Variants in DNM1L observed in about 807,000 individuals in gnomAD.
DNM1L encodes dynamin 1L.
A neutral mutation model predicts 92.8 loss-of-function variants in DNM1L; 33 were observed. That is an observed-to-expected ratio of 0.36 (90% CI 0.27 to 0.48). The LOEUF (loss-of-function observed/expected upper bound fraction) is 0.48, where lower values mean the gene tolerates loss of function less well. Among genes scored for constraint, DNM1L ranks in the 20% least tolerant of loss-of-function variants. DNM1L has a pLI of 0.99. For synonymous variants in DNM1L, 284 were observed against 305.0 expected (o/e 0.93, Z 0.72); for missense variants, 485 against 888.8 (o/e 0.55, Z 5.78).
intron 6 of DNM1L, among the ~76,000 whole-genome samples, chr12:32,717,200 T>G (rs1418860843): frequency 8.6e-6 from 1 of 116,110 alleles, no homozygotes; most frequent in African/African-American, 3.3e-5. Flanking sequence ...TATATATATT[T>G]ATATATACTA....
In DNM1L at chr12:32,686,045, C is replaced by CTTTTTT. The variant is rs972264615; in HGVS notation, c.102+6597_102+6602dup. Among the ~76,000 whole-genome samples the CTTTTTT allele has an allele frequency of 1.7e-3, 144 of 82,674 alleles. 9 individuals carry two copies. Among genetic ancestry groups the CTTTTTT allele is most frequent in the African/African-American group, 5.6e-3 (93 of 16,636 alleles). The allele number at this position is 82,674 out of a possible 152,430, so 54.2% of individuals were successfully genotyped here. On this transcript the variant is annotated intron_variant, in intron 1 of 19. Coordinates refer to ENST00000549701, the MANE Select transcript of DNM1L (RefSeq NM_012062.5). Reference sequence around the variant, plus strand: ...GAAATTTGCAGAACATAAAATTAGCCTTTTTTTTTTTTTTTTTTTTTTGAG... The same window carrying CTTTTTT: ...GAAATTTGCAGAACATAAAATTAGCCTTTTTTTTTTTTTTTTTTTTTTTTTTTTGAG...
intron 9 of DNM1L, chr12:32,727,377 G>GT: frequency 1.3e-6 from 1 of 777,016 alleles, no homozygotes; most frequent in South Asian, 1.3e-5. Flanking sequence ...CTGCCATGTT[G>GT]TAAGAACTCC....
intron 1 of DNM1L, among the ~76,000 whole-genome samples, chr12:32,685,310 C>T (rs867589262): frequency 3.3e-5 from 5 of 149,930 alleles, no homozygotes; most frequent in African/African-American, 4.9e-5. Flanking sequence ...ATAATTCTTA[C>T]GTTTAACTTT....
At chr12:32,684,024 A>C (rs948780057) in intron 1 of DNM1L, among the ~76,000 whole-genome samples, 1 of 152,258 alleles carries the variant, frequency 6.6e-6, no homozygotes, top group African/African-American at 2.4e-5. Flanking sequence ...TAAAAATTTA[A>C]CATTAAAAAT....
At chr12:32,722,707 C>A in intron 9 of DNM1L, 74 bp downstream of exon 9, 3 of 1,108,800 alleles carry the variant, frequency 2.7e-6, no homozygotes, top group Middle Eastern at 2.8e-4. Flanking sequence ...AAGATGACTT[C>A]AGCTCAGATT....
At chr12:32,738,463 GT>G (rs1955057350) in intron 16 of DNM1L, among the ~76,000 whole-genome samples, 167 bp downstream of exon 16, 1 of 152,092 alleles carries the variant, frequency 6.6e-6, no homozygotes, top group Admixed American at 6.6e-5. Flanking sequence ...ATTAAACGTT[GT>G]TTTAATTAGT....
rs1161160726 is a variant in DNM1L at position 32,702,252 on chromosome 12, A to AG, written c.250+690_250+691insG. Among the ~76,000 whole-genome samples, 5 of 146,954 alleles carry AG rather than the reference A, an allele frequency of 3.4e-5. No individual in the cohort carries two copies. In the South Asian group the frequency reaches 1.1e-3, roughly 31 times the overall value. The stretch of plus-strand genomic sequence containing the variant: ...CCGTCTCAAAAAAAAAAAAAAAAAA[A>AG]AAGAAGAAAATAGGCATTGTCCTTT... On this transcript the variant is annotated intron_variant, in intron 2 of 19. Coordinates refer to ENST00000549701, the MANE Select transcript of DNM1L (RefSeq NM_012062.5).
Position 32,737,942 on chromosome 12 carries a change from G to T in DNM1L, c.1674G>T (p.Lys558Asn). 6.2e-7 allele frequency: 1 copy of T among 1,613,706 alleles called. No homozygotes were observed. Among genetic ancestry groups the T allele is most frequent in the Non-Finnish European group, 8.5e-7 (1 of 1,179,962 alleles). The change falls in exon 15 of 20, where the codon AAG (lysine) becomes AAT (asparagine). Residue 558 changes from lysine to asparagine, a missense_variant and splice_region_variant. By Grantham distance (94) the Lys-to-Asn change is moderately conservative. Transcript: ENST00000549701. ...CTGCTTCTGCTGAGGCTGATGGCAA[G>T]GTCTGTTCTGATTCTTAATCTAAGC... ...SPAASAEADGKLIQDSRRETK... is the reference protein window; with the variant it reads ...SPAASAEADGNLIQDSRRETK...
chr12:32,736,389 C>T (rs935123386), intron 13 of DNM1L, among the ~76,000 whole-genome samples: 6 of 152,074 alleles, frequency 3.9e-5, no homozygotes, highest in Non-Finnish European at 7.4e-5. Flanking sequence ...TAATCTTTTA[C>T]CTATCTTGGT....
chr12:32,695,085 C>T (rs1399952960), intron 1 of DNM1L, among the ~76,000 whole-genome samples: 3 of 151,974 alleles, frequency 2.0e-5, no homozygotes, highest in Non-Finnish European at 2.9e-5. Flanking sequence ...GAATACAGAC[C>T]AAGGAAAGAG....
intron 9 of DNM1L, among the ~76,000 whole-genome samples, chr12:32,726,087 AGTT>A (rs1310187654): frequency 6.6e-6 from 1 of 151,714 alleles, no homozygotes; most frequent in Non-Finnish European, 1.5e-5. Context: ...TTCCTTTAAC[AGTT>A]GTTAATTTTC....
chr12:32,723,376 G>GATT (rs1307510794), intron 9 of DNM1L, among the ~76,000 whole-genome samples: 1 of 152,100 alleles, frequency 6.6e-6, no homozygotes, highest in East Asian at 1.9e-4. Context: ...GAATGAAAAA[G>GATT]ATTATTTTGC....
At chr12:32,715,093 CTTT>C (rs369946346) in intron 6 of DNM1L, among the ~76,000 whole-genome samples, 9 of 139,822 alleles carry the variant, frequency 6.4e-5, no homozygotes, top group Admixed American at 7.2e-5. Flanking sequence ...TTAATCTAAT[CTTT>C]TTTTTTTTTT....
At chr12:32,713,478 A>G (rs1953219419) in intron 6 of DNM1L, 107 bp downstream of exon 6, 3 of 1,196,436 alleles carry the variant, frequency 2.5e-6, no homozygotes, top group African/African-American at 3.1e-5. Flanking sequence ...TTTGAATACA[A>G]ATTTAAAAGA....
chr12:32,731,834 C>CT lies in DNM1L; in HGVS notation c.1357-17dup, dbSNP rs763079465. 9.4e-5 allele frequency: 150 copies of CT among 1,588,026 alleles called. No homozygotes were observed. Among genetic ancestry groups the CT allele is most frequent in the Non-Finnish European group, 1.2e-4 (138 of 1,158,276 alleles). On this transcript the variant is annotated intron_variant, in intron 11 of 19. Transcript: ENST00000549701. This position sits in a 1 kb window ranked among gnomAD's most constrained non-coding sequence, Gnocchi z 5.1. ...AAAAACAAAAAACAAACACGTTTTT[C>CT]TTTCATCTACCATTTGTAGGAATTG... is the stretch of plus-strand genomic sequence containing the variant.
chr12:32,722,644 A>C lies in DNM1L; in HGVS notation c.1079+11A>C. ...TGAAACTTCGGAGCTGTAAGTAAGA[A>C]ATTTTTCTGTAGATTTGGTTACCTA... On this transcript the variant is annotated intron_variant, in intron 9 of 19. Coordinates refer to ENST00000549701, the MANE Select transcript of DNM1L (RefSeq NM_012062.5). 3 of 1,605,102 alleles carry C rather than the reference A, an allele frequency of 1.9e-6. No individual in the cohort carries two copies. Among genetic ancestry groups the C allele is most frequent in the Non-Finnish European group, 2.6e-6 (3 of 1,174,398 alleles).
intron 4 of DNM1L, chr12:32,709,523 C>T (rs1461403787): frequency 6.6e-6 from 1 of 152,152 alleles, no homozygotes; most frequent in African/African-American, 2.4e-5. Context: ...ATTTACTTAC[C>T]TAGCAGCTTT....
Position 32,679,356 on chromosome 12 carries a change from T to G in DNM1L, c.-8T>G, listed in dbSNP as rs370381346. On this transcript the variant is annotated 5_prime_UTR_variant, in exon 1 of 20. Coordinates refer to ENST00000549701, the MANE Select transcript of DNM1L (RefSeq NM_012062.5). ...CGGCGGGCACTGGGGCCCCGTGTTT[T>G]CAGAGTCATGGAGGCGCTAATTCCT... is the stretch of plus-strand genomic sequence containing the variant. 2.2e-5 allele frequency: 36 copies of G among 1,610,782 alleles called. No homozygotes were observed. Among genetic ancestry groups the G allele is most frequent in the Non-Finnish European group, 3.1e-5 (36 of 1,177,682 alleles).
chr12:32,679,545 C>T (rs1951721910), intron 1 of DNM1L, 80 bp downstream of exon 1: 4 of 1,451,864 alleles, frequency 2.8e-6, no homozygotes, highest in South Asian at 1.2e-5. Flanking sequence ...CCCACTCCCG[C>T]GCCAGCGCCC....
Sources: gnomAD v4.1 joint callset for allele counts (sites outside exome capture counted in the v4.1 genomes callset) on GRCh38, gnomAD v4.1.1 for gene constraint, Gnocchi (gnomAD v3.1) non-coding constraint, MANE v1.5 for transcripts, NCBI Gene and HGNC (gene_info 2026-07-23, HGNC 2026-07-21) for gene names.